The following PARD3B variants were observed in gnomAD, a reference collection of about 807,000 sequenced individuals.
PARD3B encodes the protein par-3 family cell polarity regulator beta.
Under a neutral mutation model 130.2 loss-of-function variants are expected in PARD3B, and 103 were observed. The ratio of observed to expected loss-of-function variants is 0.79; its 90% CI spans 0.67 to 0.93. The LOEUF is 0.93. Ranked by LOEUF, PARD3B falls within the 40% of genes least tolerant of loss-of-function variation. The probability of loss-of-function intolerance (pLI) is 0.00; values close to 1 mark genes in which losing one functional copy is unlikely to be tolerated. For missense variants in PARD3B, 1,609 were observed against 1,499.2 expected (o/e 1.07, Z -1.21); for synonymous variants, 583 against 553.2 (o/e 1.05, Z -0.76).
intron 3 of PARD3B, among the ~76,000 whole-genome samples, chr2:205,029,644 G>A (rs1017769797): frequency 2.0e-5 from 3 of 152,126 alleles, no homozygotes; most frequent in African/African-American, 7.2e-5. Context: ...ATCTTTAGTG[G>A]CATTGTGTTA....
intron 3 of PARD3B, among the ~76,000 whole-genome samples, chr2:205,019,698 C>G (rs1696450180): frequency 6.6e-6 from 1 of 152,108 alleles, no homozygotes; most frequent in African/African-American, 2.4e-5. Flanking sequence ...GTGGTATTCA[C>G]TGTAGTTTTG....
At chr2:205,362,287 A>C (rs2044418529) in intron 18 of PARD3B, among the ~76,000 whole-genome samples, 1 of 152,146 alleles carries the variant, frequency 6.6e-6, no homozygotes, top group Non-Finnish European at 1.5e-5. Flanking sequence ...CTTTATTTTG[A>C]TTTTCATGTT....
chr2:204,628,068 G>A (rs546551783), intron 1 of PARD3B, among the ~76,000 whole-genome samples: 44 of 151,286 alleles, frequency 2.9e-4, no homozygotes, highest in Non-Finnish European at 5.5e-4. Context: ...TCTGCTTCCA[G>A]TGTTTTCCAG....
chr2:204,878,205 A>G (rs1039333792), intron 2 of PARD3B, among the ~76,000 whole-genome samples: 3 of 152,188 alleles, frequency 2.0e-5, no homozygotes, highest in Non-Finnish European at 2.9e-5. Flanking sequence ...TTGATATGTC[A>G]GAAAAGCTAA....
At position 205,564,938 on chromosome 2, in the gene PARD3B, T is replaced by C. The variant is rs1034527160; in HGVS notation, c.3260+11535T>C. On this transcript the variant is annotated intron_variant, in intron 22 of 22. Coordinates refer to ENST00000406610, the MANE Select transcript of PARD3B (RefSeq NM_001302769.2). This position sits in a 1 kb window ranked among gnomAD's most constrained non-coding sequence, Gnocchi z 4.6. ...TTGTCTCACCAGAGGGTTGCCCCAC[T>C]CTGCAATCAGAACTGACCCTTATGG... is the stretch of plus-strand genomic sequence containing the variant. Among the ~76,000 whole-genome samples the C allele has an allele frequency of 6.6e-6, 1 of 152,152 alleles. No individual in the cohort carries two copies. Among genetic ancestry groups the C allele is most frequent in the Admixed American group, 6.5e-5 (1 of 15,274 alleles).
At position 205,105,584 on chromosome 2, in the gene PARD3B, C is replaced by T. The variant is rs373763660; in HGVS notation, c.593+1070C>T. Reference sequence around the variant, plus strand: ...TTCTCCTCAAACTTATTTATAGCCACGTGAGCATAGTTACTCTTTATTTAG... The same window carrying T: ...TTCTCCTCAAACTTATTTATAGCCATGTGAGCATAGTTACTCTTTATTTAG... On this transcript the variant is annotated intron_variant, in intron 5 of 22. Transcript: ENST00000406610. The surrounding 1 kb of genome is among the most constrained non-coding windows in gnomAD (Gnocchi z 4.0). Among the ~76,000 whole-genome samples the T allele has an allele frequency of 1.3e-5, 2 of 152,096 alleles. No homozygotes were observed. The highest frequency in any genetic ancestry group is 2.9e-5 in the Non-Finnish European group (2 of 68,024).
intron 2 of PARD3B, among the ~76,000 whole-genome samples, chr2:204,964,271 A>G (rs1691012362): frequency 6.6e-6 from 1 of 152,204 alleles, no homozygotes; most frequent in African/African-American, 2.4e-5. Flanking sequence ...AAGTTTCTGA[A>G]TGTTGGTGCT....
chr2:204,743,276 T>A (rs1362243190), intron 2 of PARD3B, among the ~76,000 whole-genome samples: 1 of 152,140 alleles, frequency 6.6e-6, no homozygotes, highest in East Asian at 1.9e-4. Context: ...CTGGTTTGAT[T>A]TTTGCATTAT....
At chr2:205,243,090 C>T (rs990702596) in intron 15 of PARD3B, among the ~76,000 whole-genome samples, 1 of 151,900 alleles carries the variant, frequency 6.6e-6, no homozygotes, top group Non-Finnish European at 1.5e-5. Context: ...TGGTTGAACT[C>T]GGGAAGTGGA....
At chr2:205,044,789 A>T (rs1486976412) in intron 3 of PARD3B, among the ~76,000 whole-genome samples, 2 of 152,158 alleles carry the variant, frequency 1.3e-5, no homozygotes, top group Non-Finnish European at 2.9e-5. Context: ...TTTGCTGTGC[A>T]GAAGCTCTTT....
intron 19 of PARD3B, among the ~76,000 whole-genome samples, chr2:205,417,392 G>A (rs191915018): frequency 2.4e-4 from 36 of 152,116 alleles, no homozygotes; most frequent in Admixed American, 7.2e-4. Context: ...ATAAACATAC[G>A]TGCACATGTG....
At chr2:205,247,138 A>T (rs1328745674) in intron 16 of PARD3B, among the ~76,000 whole-genome samples, 1 of 152,190 alleles carries the variant, frequency 6.6e-6, no homozygotes, top group East Asian at 1.9e-4. Context: ...CAAGGCAAAA[A>T]GTTGAAGTCC....
At chr2:205,556,397 A>C (rs1011233616) in intron 22 of PARD3B, among the ~76,000 whole-genome samples, 2 of 152,162 alleles carry the variant, frequency 1.3e-5, no homozygotes, top group Non-Finnish European at 2.9e-5. Flanking sequence ...GTAGGTGAGG[A>C]GCTCTGGTCA....
intron 16 of PARD3B, chr2:205,293,715 A>G (rs1158755191): frequency 1.3e-5 from 2 of 152,242 alleles, no homozygotes; most frequent in East Asian, 1.9e-4. Context: ...AGGAAGCTGT[A>G]TGTGGGCTTT....
At chr2:205,466,710 T>C (rs908850266) in intron 20 of PARD3B, among the ~76,000 whole-genome samples, 6 of 152,192 alleles carry the variant, frequency 3.9e-5, no homozygotes, top group African/African-American at 1.4e-4. Context: ...TGGTTTTTGT[T>C]TTGTTTTGTT....
At chr2:204,970,504 C>T (rs1311365232) in intron 3 of PARD3B, among the ~76,000 whole-genome samples, 1 of 152,156 alleles carries the variant, frequency 6.6e-6, no homozygotes, top group Non-Finnish European at 1.5e-5. Flanking sequence ...CTCCAATGGG[C>T]CATGATGGTT....
rs143438143 is a variant in PARD3B at position 205,542,354 on chromosome 2, TTGTGTGTGTG to T, written c.3181-10950_3181-10941del. Among the ~76,000 whole-genome samples, 593 of 145,206 alleles carry T rather than the reference TTGTGTGTGTG, an allele frequency of 4.1e-3. 1 individual carries two copies. The highest frequency in any genetic ancestry group is 0.014 in the African/African-American group (529 of 38,888). On this transcript the variant is annotated intron_variant, in intron 21 of 22. Transcript: ENST00000406610. ...CAGGAAACTATTCAGTAGTTTGTGT[TTGTGTGTGTG>T]TGTGTGTGTGTGTGTGTGTATGTAT... is the stretch of plus-strand genomic sequence containing the variant.
intron 16 of PARD3B, among the ~76,000 whole-genome samples, chr2:205,251,265 G>A (rs549624326): frequency 6.6e-6 from 1 of 152,242 alleles, no homozygotes; most frequent in Admixed American, 6.5e-5. Context: ...ATGTGTGCAT[G>A]TGTACATGTA....
chr2:204,638,976 ACT>A (rs1384213399), intron 1 of PARD3B, among the ~76,000 whole-genome samples: 1 of 151,648 alleles, frequency 6.6e-6, no homozygotes, highest in Non-Finnish European at 1.5e-5. Flanking sequence ...ATTTTTTTTA[ACT>A]CTGCTGAGGC....
Sources: gnomAD v4.1 joint callset for allele counts (sites outside exome capture counted in the v4.1 genomes callset) on GRCh38, gnomAD v4.1.1 for gene constraint, Gnocchi (gnomAD v3.1) non-coding constraint, MANE v1.5 for transcripts, NCBI Gene and HGNC (gene_info 2026-07-23, HGNC 2026-07-21) for gene names.